Variants in PCDHGA6 observed in about 807,000 individuals in gnomAD.
PCDHGA6 encodes protocadherin gamma-A6.
PCDHGA6 carries 41 observed loss-of-function variants against 60.6 expected under a neutral mutation model. The ratio of observed to expected loss-of-function variants is 0.68; its 90% confidence interval spans 0.53 to 0.88. PCDHGA6 has a LOEUF of 0.88. PCDHGA6 is among the 40% of genes least tolerant of loss of function. The probability of loss-of-function intolerance (pLI) is 0.00; values close to 1 mark genes in which losing one functional copy is unlikely to be tolerated. For missense variants in PCDHGA6, 1,312 were observed against 1,203.0 expected (o/e 1.09, Z -1.34); for synonymous variants, 594 against 524.4 (o/e 1.13, Z -1.81).
chr5:141,385,870 A>G (rs2150302172), intron 1 of PCDHGA6: 1 of 153,178 alleles, frequency 6.5e-6, no homozygotes, highest in African/African-American at 2.4e-5. Flanking sequence ...AGAAGGTTGG[A>G]TTTATGCCTA....
intron 1 of PCDHGA6, chr5:141,421,166 A>T: frequency 7.7e-7 from 1 of 1,301,524 alleles, no homozygotes; most frequent in Non-Finnish European, 1.0e-6. Context: ...CTTCATAGAT[A>T]CATAAGCCGA....
chr5:141,406,253 C>CA (rs2094783585), intron 1 of PCDHGA6, among the ~76,000 whole-genome samples: 1 of 151,976 alleles, frequency 6.6e-6, no homozygotes, highest in Admixed American at 6.6e-5. Flanking sequence ...AGACTGGTCT[C>CA]AAACGATCTT....
At chr5:141,417,958 C>T (rs1255501304) in intron 1 of PCDHGA6, 3 of 1,613,720 alleles carry the variant, frequency 1.9e-6, no homozygotes, top group South Asian at 2.2e-5. Context: ...GTGAGCCGAT[C>T]CGCTACTCGA....
At chr5:141,380,374 C>CA (rs1392745416) in intron 1 of PCDHGA6, among the ~76,000 whole-genome samples, 1 of 151,910 alleles carries the variant, frequency 6.6e-6, no homozygotes, top group Non-Finnish European at 1.5e-5. Flanking sequence ...AAAAAAGTCC[C>CA]AAAAAAGAAA....
rs1771024393 is a variant in PCDHGA6, at chr5:141,375,000, A to AC, written c.917_918insC (p.Leu307SerfsTer4). On this transcript the variant is annotated frameshift_variant, in exon 1 of 4. Transcript: ENST00000517434. LOFTEE classifies it high-confidence loss of function. ...ACTGGAGAAATTTCAACTTCTGCAA[A>AC]TCTAGACTATGAGGACTCGAGTTTT... 6.2e-7 allele frequency: 1 copy of AC among 1,613,928 alleles called. No homozygotes were observed. Among genetic ancestry groups the AC allele is most frequent in the Non-Finnish European group, 8.5e-7 (1 of 1,179,914 alleles).
chr5:141,403,242 C>A, intron 1 of PCDHGA6: 1 of 1,613,932 alleles, frequency 6.2e-7, no homozygotes, highest in Non-Finnish European at 8.5e-7. Flanking sequence ...GAGCTCTGTG[C>A]TCAGAGCCCG....
chr5:141,486,498 T>C lies in PCDHGA6; in HGVS notation c.2425-8309T>C, dbSNP rs755907391. On this transcript the variant is annotated intron_variant, in intron 1 of 3. Coordinates refer to ENST00000517434, the MANE Select transcript of PCDHGA6 (RefSeq NM_018919.3). The surrounding 1 kb of genome is among the most constrained non-coding windows in gnomAD (Gnocchi z 5.0). The stretch of plus-strand genomic sequence containing the variant: ...CCTCTCAGTACCCACAGAACTATTT[T>C]CCTCAATATTTCAGATGTGAATGAT... 6.2e-7 allele frequency: 1 copy of C among 1,614,030 alleles called. No individual in the cohort carries two copies. The highest frequency in any genetic ancestry group is 8.5e-7 in the Non-Finnish European group (1 of 1,179,874).
chr5:141,460,275 A>G (rs2154566824), intron 1 of PCDHGA6, among the ~76,000 whole-genome samples: 1 of 152,098 alleles, frequency 6.6e-6, no homozygotes, highest in East Asian at 1.9e-4. Context: ...TTTTTCTTTT[A>G]TAGTTTGTAT....
rs138463062 is a variant in PCDHGA6 at position 141,485,217 on chromosome 5, C to G, written c.2425-9590C>G. 6.8e-6 allele frequency: 11 copies of G among 1,613,996 alleles called. No individual in the cohort carries two copies. Among genetic ancestry groups the G allele is most frequent in the Non-Finnish European group, 9.3e-6 (11 of 1,179,978 alleles). ...AGCTGGACAGAAATCTGGCGGTGGGCTACCCTTTTGTTCCTCTTTTACCAC... is the reference window on the plus strand; with the variant it reads ...AGCTGGACAGAAATCTGGCGGTGGGGTACCCTTTTGTTCCTCTTTTACCAC... On this transcript the variant is annotated intron_variant, in intron 1 of 3. Coordinates refer to ENST00000517434, the MANE Select transcript of PCDHGA6 (RefSeq NM_018919.3). This position sits in a 1 kb window ranked among gnomAD's most constrained non-coding sequence, Gnocchi z 5.7.
At chr5:141,502,480 AC>A (rs145333712) in intron 2 of PCDHGA6, among the ~76,000 whole-genome samples, 7,822 of 152,242 alleles carry the variant, frequency 0.051, 439 homozygotes, top group African/African-American at 0.14. Flanking sequence ...GCAGCATCAC[AC>A]TGGGACTCAT....
chr5:141,431,474 G>T lies in PCDHGA6; in HGVS notation c.2424+54967G>T, dbSNP rs747313827. 3.7e-6 allele frequency: 6 copies of T among 1,613,842 alleles called. No homozygotes were observed. The South Asian group carries it at 6.6e-5, about 18-fold the overall frequency. ...GATGGTTCTGGATGCGAACGACAAC[G>T]CACCAGCGTTTGCTCAGCCCGAGTA... is the stretch of plus-strand genomic sequence containing the variant. On this transcript the variant is annotated intron_variant, in intron 1 of 3. Transcript: ENST00000517434. The surrounding 1 kb of genome is among the most constrained non-coding windows in gnomAD (Gnocchi z 4.8).
At position 141,486,653 on chromosome 5, in the gene PCDHGA6, C is replaced by A; in HGVS notation, c.2425-8154C>A. 1 of 1,613,968 alleles carries A rather than the reference C, an allele frequency of 6.2e-7. No homozygotes were observed. Among genetic ancestry groups the A allele is most frequent in the Non-Finnish European group, 8.5e-7 (1 of 1,180,034 alleles). On this transcript the variant is annotated intron_variant, in intron 1 of 3. Coordinates refer to ENST00000517434, the MANE Select transcript of PCDHGA6 (RefSeq NM_018919.3). This position sits in a 1 kb window ranked among gnomAD's most constrained non-coding sequence, Gnocchi z 5.0. ...CTTGAATGCGCTTATCTCCTACTCA[C>A]TCCTGGAGCCCAGGAATCGAGATGT... is the stretch of plus-strand genomic sequence containing the variant.
At position 141,476,359 on chromosome 5, in the gene PCDHGA6, G is replaced by A; in HGVS notation, c.2425-18448G>A. On this transcript the variant is annotated intron_variant, in intron 1 of 3. Coordinates refer to ENST00000517434, the MANE Select transcript of PCDHGA6 (RefSeq NM_018919.3). This position sits in a 1 kb window ranked among gnomAD's most constrained non-coding sequence, Gnocchi z 7.6. ...GCCGAAGATTCTTTGAGGTGAACCG[G>A]GAGACCGGAGAGATGTTTGTGAACG... The A allele has an allele frequency of 6.2e-7, 1 of 1,614,170 alleles. No individual in the cohort carries two copies. The highest frequency in any genetic ancestry group is 8.5e-7 in the Non-Finnish European group (1 of 1,180,020).
At chr5:141,456,936 C>G (rs1012944904) in intron 1 of PCDHGA6, among the ~76,000 whole-genome samples, 20 of 152,190 alleles carry the variant, frequency 1.3e-4, no homozygotes, top group African/African-American at 4.3e-4. Context: ...GCACTCCAGC[C>G]TGGGCAACAG....
Position 141,476,610 on chromosome 5 carries a change from G to A in PCDHGA6, c.2425-18197G>A, listed in dbSNP as rs769858609. ...GAGAGCGCGCACGATCCCGATGTGGGAAGCAACTCTTTACAAACCTATGAG... is the reference window on the plus strand; with the variant it reads ...GAGAGCGCGCACGATCCCGATGTGGAAAGCAACTCTTTACAAACCTATGAG... On this transcript the variant is annotated intron_variant, in intron 1 of 3. Coordinates refer to ENST00000517434, the MANE Select transcript of PCDHGA6 (RefSeq NM_018919.3). The surrounding 1 kb of genome is among the most constrained non-coding windows in gnomAD (Gnocchi z 7.6). The A allele has an allele frequency of 1.2e-6, 2 of 1,614,262 alleles. No homozygotes were observed. The highest frequency in any genetic ancestry group is 3.3e-5 in the Admixed American group (2 of 60,036).
At position 141,413,154 on chromosome 5, in the gene PCDHGA6, A is replaced by C. The variant is rs1308503780; in HGVS notation, c.2424+36647A>C. 10 of 1,576,026 alleles carry C rather than the reference A, an allele frequency of 6.3e-6. No homozygotes were observed. In the South Asian group the frequency reaches 1.2e-4, roughly 18 times the overall value. ...ACAACGTGTCCAGTGAGGACTTTGC[A>C]GAATTCTGTAACCAGACTACAATGG... On this transcript the variant is annotated intron_variant, in intron 1 of 3. Coordinates refer to ENST00000517434, the MANE Select transcript of PCDHGA6 (RefSeq NM_018919.3).
At chr5:141,388,363 C>T (rs778705302) in intron 1 of PCDHGA6, 6 of 1,613,854 alleles carry the variant, frequency 3.7e-6, no homozygotes, top group South Asian at 3.3e-5. Flanking sequence ...GCCCATGATG[C>T]GGATATTGGT....
At chr5:141,441,499 GCCT>G (rs1350774469) in intron 1 of PCDHGA6, 5 of 169,932 alleles carry the variant, frequency 2.9e-5, no homozygotes, top group African/African-American at 1.2e-4. Context: ...TTTCTACCAG[GCCT>G]CCTACGTCGT....
chr5:141,431,702 T>C lies in PCDHGA6; in HGVS notation c.2424+55195T>C, dbSNP rs1349630251. The C allele has an allele frequency of 5.6e-6, 9 of 1,614,110 alleles. No individual in the cohort carries two copies. In the East Asian group the frequency reaches 8.9e-5, roughly 16 times the overall value. Reference sequence around the variant, plus strand: ...GTTGGACCACGAGGAGTCAGGATTCTACCAGATGGAAGTGCAAGCAATGGA... The same window carrying C: ...GTTGGACCACGAGGAGTCAGGATTCCACCAGATGGAAGTGCAAGCAATGGA... On this transcript the variant is annotated intron_variant, in intron 1 of 3. Transcript: ENST00000517434. This position sits in a 1 kb window ranked among gnomAD's most constrained non-coding sequence, Gnocchi z 4.8.
Sources: allele counts gnomAD v4.1 joint callset (sites outside exome capture counted in the v4.1 genomes callset), GRCh38; gene constraint gnomAD v4.1.1; non-coding constraint Gnocchi (gnomAD v3.1); transcripts MANE v1.5; gene names NCBI Gene and HGNC (gene_info 2026-07-23, HGNC 2026-07-21).